The following ZDHHC5 variants were observed in gnomAD, a reference collection of about 807,000 sequenced individuals.
ZDHHC5 encodes palmitoyltransferase ZDHHC5.
Under a neutral mutation model 70.0 loss-of-function variants are expected in ZDHHC5, and 22 were observed. That is an observed-to-expected ratio of 0.31 (90% confidence interval 0.22 to 0.45). The LOEUF (loss-of-function observed/expected upper bound fraction) is 0.45, where lower values mean the gene tolerates loss of function less well. Among genes scored for constraint, ZDHHC5 ranks in the 20% least tolerant of loss-of-function variants. The pLI, the probability that ZDHHC5 is intolerant of heterozygous loss-of-function variation, is 1.00. For synonymous variants in ZDHHC5, 313 were observed against 347.8 expected, an observed-to-expected ratio of 0.90 and a Z score of 1.11; for missense variants, 746 against 926.9, an observed-to-expected ratio of 0.80 and a Z score of 2.53.
rs770438165 is a variant in ZDHHC5 at position 57,693,765 on chromosome 11, C to G, written c.753-18C>G. 2 of 1,544,744 alleles carry G rather than the reference C, an allele frequency of 1.3e-6. No homozygotes were observed. Among genetic ancestry groups the G allele is most frequent in the South Asian group, 2.4e-5 (2 of 82,076 alleles). On this transcript the variant is annotated intron_variant, in intron 7 of 11. Transcript: ENST00000287169. ...GCTCTCTCGCTGTGTCTCTCTCTCT[C>G]TCTCTCTCGACACTTAGGTATTTGG...
rs997646967 is a variant in ZDHHC5, at chr11:57,698,852, C to T, written c.1416C>T (p.Ser472=). 1.2e-6 allele frequency: 2 copies of T among 1,614,118 alleles called. No individual in the cohort carries two copies. Among genetic ancestry groups the T allele is most frequent in the Non-Finnish European group, 1.7e-6 (2 of 1,180,056 alleles). ...QTRNGSLSYD[S]LLTPSDSPDF... ...GCAATGGAAGCCTATCTTATGACAGCTTGCTCACACCTTCAGACAGCCCTG... is the reference window on the plus strand; with the variant it reads ...GCAATGGAAGCCTATCTTATGACAGTTTGCTCACACCTTCAGACAGCCCTG... Residue 472 remains serine (S), a synonymous_variant, in exon 11 of 12, where the codon AGC becomes AGT. Transcript: ENST00000287169.
chr11:57,695,124 T>A (rs1396091118), intron 8 of ZDHHC5, among the ~76,000 whole-genome samples: 1 of 152,134 alleles, frequency 6.6e-6, no homozygotes, highest in Non-Finnish European at 1.5e-5. Context: ...TAGCTGGGCA[T>A]GGTGGCGCAT....
intron 8 of ZDHHC5, among the ~76,000 whole-genome samples, chr11:57,695,618 A>G (rs986893538): frequency 9.2e-5 from 14 of 151,612 alleles, no homozygotes; most frequent in Admixed American, 3.9e-4. Context: ...CGAGACCCCC[A>G]TCTCTACAAA....
intron 4 of ZDHHC5, among the ~76,000 whole-genome samples, chr11:57,689,508 G>T (rs1218326025): frequency 2.0e-5 from 3 of 152,030 alleles, no homozygotes; most frequent in Admixed American, 2.0e-4. Context: ...CTCCTGAGTA[G>T]CTGGGATTAC....
At chr11:57,693,672 C>A in intron 7 of ZDHHC5, 111 bp from the exon 8 acceptor site, 3 of 1,421,510 alleles carry the variant, frequency 2.1e-6, no homozygotes, top group Middle Eastern at 2.6e-4. Flanking sequence ...ACTGCAATTA[C>A]TTTTTTACCA....
chr11:57,697,189 A>G (rs1946364063), intron 10 of ZDHHC5, among the ~76,000 whole-genome samples: 2 of 151,596 alleles, frequency 1.3e-5, no homozygotes, highest in Non-Finnish European at 2.9e-5. Flanking sequence ...ATTGCCGGGC[A>G]CAGTGGCTCA....
At chr11:57,668,241 G>T (rs1945949898) in intron 1 of ZDHHC5, 54 bp downstream of exon 1, 2 of 350,900 alleles carry the variant, frequency 5.7e-6, no homozygotes, top group Non-Finnish European at 1.0e-5. Context: ...TACCAGCGAG[G>T]TGGGAGGGGA....
In ZDHHC5 at chr11:57,673,067, C is replaced by T. The variant is rs1475939980; in HGVS notation, c.-24C>T. On this transcript the variant is annotated 5_prime_UTR_variant, in exon 2 of 12. Transcript: ENST00000287169. ...TGTGGGCCTGGGCTATGCGGCAGGG[C>T]AGATTTCCCATCAGAGCTCCAACAT... is the stretch of plus-strand genomic sequence containing the variant. The T allele has an allele frequency of 6.2e-7, 1 of 1,612,074 alleles. No homozygotes were observed. The highest frequency in any genetic ancestry group is 1.1e-5 in the South Asian group (1 of 91,032).
rs552113588 is a variant in ZDHHC5, at chr11:57,692,773, A to C, written c.752+71A>C. On this transcript the variant is annotated intron_variant, in intron 7 of 11. Coordinates refer to ENST00000287169, the MANE Select transcript of ZDHHC5 (RefSeq NM_015457.3). The stretch of plus-strand genomic sequence containing the variant: ...TTATCTTCTTTGGGCTTGTTCTGGT[A>C]AAGGAGGGGTCTGGTGAGAGCCTTT... The C allele has an allele frequency of 3.9e-6, 6 of 1,525,682 alleles. No homozygotes were observed. In the South Asian group the frequency reaches 5.8e-5, roughly 15 times the overall value. The allele number at this position is 1,525,682 out of a possible 1,614,324, so 94.5% of individuals were successfully genotyped here. A position where few individuals can be genotyped will look rare whatever the true frequency, so the allele number is the denominator to read the frequency against.
intron 7 of ZDHHC5, among the ~76,000 whole-genome samples, chr11:57,693,067 G>A (rs1009732745): frequency 1.3e-5 from 2 of 152,120 alleles, no homozygotes; most frequent in Non-Finnish European, 2.9e-5. Flanking sequence ...AGCACTTTGG[G>A]AGGCCGAGGT....
intron 6 of ZDHHC5, among the ~76,000 whole-genome samples, chr11:57,690,835 C>T (rs561711742): frequency 2.0e-5 from 3 of 152,050 alleles, no homozygotes; most frequent in African/African-American, 7.2e-5. Context: ...ACATAACACC[C>T]TGGGGCCTGT....
At chr11:57,686,387 C>T (rs1946208284) in intron 3 of ZDHHC5, among the ~76,000 whole-genome samples, 1 of 152,078 alleles carries the variant, frequency 6.6e-6, no homozygotes, top group African/African-American at 2.4e-5. Context: ...TCCATCTCGG[C>T]TCACTGCAAA....
At chr11:57,686,244 C>T (rs543214306) in intron 3 of ZDHHC5, among the ~76,000 whole-genome samples, 1 of 152,180 alleles carries the variant, frequency 6.6e-6, no homozygotes, top group African/African-American at 2.4e-5. Context: ...GCACAGCACT[C>T]CAGCCTGGGT....
chr11:57,698,798 C>T lies in ZDHHC5; in HGVS notation c.1362C>T (p.Thr454=). The change falls in exon 11 of 12, where the codon ACC becomes ACT. Residue 454 remains threonine (T), a synonymous_variant. Coordinates refer to ENST00000287169, the MANE Select transcript of ZDHHC5 (RefSeq NM_015457.3). ...TTCGTTCAGAGGGCACCACCTCCACCTCCTATAAGAGCCTGGCCAACCAGA... is the reference window on the plus strand; with the variant it reads ...TTCGTTCAGAGGGCACCACCTCCACTTCCTATAAGAGCCTGGCCAACCAGA... ...QSIRSEGTTS[T]SYKSLANQTR... is the part of the protein sequence containing the mutation. 1.2e-6 allele frequency: 2 copies of T among 1,614,238 alleles called. No homozygotes were observed. The highest frequency in any genetic ancestry group is 8.5e-7 in the Non-Finnish European group (1 of 1,180,048).
chr11:57,699,896 C>G lies in ZDHHC5; in HGVS notation c.2013C>G (p.Ser671Arg). Residue 671 changes from serine (S) to arginine (R), a missense_variant, in exon 12 of 12, where the codon AGC (serine) becomes AGG (arginine). Physicochemically the swap from Ser to Arg is moderately radical, Grantham distance 110. Transcript: ENST00000287169. ...KDEVQLKTTY[S>R]KSNGQPKSLG... ...AAGTACAGCTGAAGACCACCTACAG[C>G]AAATCCAACGGGCAGCCCAAGAGCT... The G allele has an allele frequency of 6.2e-7, 1 of 1,614,262 alleles. No individual in the cohort carries two copies. The highest frequency in any genetic ancestry group is 8.5e-7 in the Non-Finnish European group (1 of 1,180,048).
chr11:57,692,786 G>T (rs2135399414), intron 7 of ZDHHC5, 84 bp downstream of exon 7: 4 of 1,402,336 alleles, frequency 2.9e-6, no homozygotes, highest in East Asian at 4.6e-5. Flanking sequence ...GGAGGGGTCT[G>T]GTGAGAGCCT....
rs1946013612 is a variant in ZDHHC5 at position 57,672,077 on chromosome 11, G to C, written c.-1014G>C. Reference sequence around the variant, plus strand: ...TCTGGAAAGCTGAAGACTGAAGAAAGATAAGAGACATTGACTAGTCTGGAA... The same window carrying C: ...TCTGGAAAGCTGAAGACTGAAGAAACATAAGAGACATTGACTAGTCTGGAA... On this transcript the variant is annotated 5_prime_UTR_variant, in exon 2 of 12. Transcript: ENST00000287169. 2.5e-6 allele frequency: 1 copy of C among 392,862 alleles called. No individual in the cohort carries two copies. Among genetic ancestry groups the C allele is most frequent in the African/African-American group, 2.1e-5 (1 of 48,520 alleles). 24.3% of individuals were successfully genotyped at this position (392,862 alleles called of 1,614,324 possible). A position where few individuals can be genotyped will look rare whatever the true frequency, so the allele number is the denominator to read the frequency against.
chr11:57,696,120 A>G (rs1946348765), intron 9 of ZDHHC5, 77 bp downstream of exon 9: 2 of 1,532,974 alleles, frequency 1.3e-6, no homozygotes, highest in South Asian at 2.5e-5. Context: ...TGTGGAAGAC[A>G]GGCAAGGGCT....
chr11:57,682,505 G>C lies in ZDHHC5; in HGVS notation c.188G>C (p.Ser63Thr), dbSNP rs1406370866. 2.5e-6 allele frequency: 4 copies of C among 1,614,006 alleles called. No individual in the cohort carries two copies. Among genetic ancestry groups the C allele is most frequent in the African/African-American group, 1.3e-5 (1 of 74,910 alleles). ...IMFLFVLANF[S>T]MATFMDPGIF... The stretch of plus-strand genomic sequence containing the variant: ...TTTCTCTTTGTGTTGGCCAACTTCA[G>C]CATGGCCACCTTCATGGACCCAGGG... The change falls in exon 3 of 12, where the codon AGC (serine) becomes ACC (threonine). Residue 63 changes from serine (S) to threonine (T), a missense_variant. Around this residue, in one of 6 missense-constraint regions of ZDHHC5, gnomAD observed 89 missense variants for 130.7 expected, o/e 0.68. Transcript: ENST00000287169.
Sources: allele counts gnomAD v4.1 joint callset (sites outside exome capture counted in the v4.1 genomes callset), GRCh38; gene constraint gnomAD v4.1.1; regional missense constraint gnomAD v4.1.1; transcripts MANE v1.5; gene names NCBI Gene and HGNC (gene_info 2026-07-23, HGNC 2026-07-21).